The following PRKD1 variants were observed in gnomAD, a reference collection of about 807,000 sequenced individuals.
PRKD1 encodes the protein serine/threonine-protein kinase D1.
A neutral mutation model predicts 95.9 loss-of-function variants in PRKD1; 63 were observed. The ratio of observed to expected loss-of-function variants is 0.66; its 90% CI spans 0.54 to 0.81. The LOEUF is 0.81. Ranked by LOEUF, PRKD1 falls within the 30% of genes least tolerant of loss-of-function variation. The pLI, the probability that PRKD1 is intolerant of heterozygous loss-of-function variation, is 0.00. For synonymous variants in PRKD1, 425 were observed against 423.1 expected (o/e 1.00, Z -0.05); for missense variants, 1,048 against 1,165.3 (o/e 0.90, Z 1.47).
chr14:29,577,207 C>T lies in PRKD1; in HGVS notation c.*31G>A. 1 of 1,580,480 alleles carries T rather than the reference C, an allele frequency of 6.3e-7. No homozygotes were observed. The highest frequency in any genetic ancestry group is 8.7e-7 in the Non-Finnish European group (1 of 1,151,004). ...TGACCGTATGTATTTATTAGTTCCA[C>T]AGTGTTTTGACAGATTATAGGAGAT... is the stretch of plus-strand genomic sequence containing the variant. On this transcript the variant is annotated 3_prime_UTR_variant, in exon 18 of 18. Coordinates refer to ENST00000331968, the MANE Select transcript of PRKD1 (RefSeq NM_002742.3).
intron 2 of PRKD1, among the ~76,000 whole-genome samples, chr14:29,707,128 C>A (rs1049766094): frequency 6.6e-6 from 1 of 152,052 alleles, no homozygotes; most frequent in Non-Finnish European, 1.5e-5. Flanking sequence ...AAGTAGAAGT[C>A]AAATCACAAA....
chr14:29,840,332 C>G (rs1891785566), intron 1 of PRKD1, among the ~76,000 whole-genome samples: 1 of 152,152 alleles, frequency 6.6e-6, no homozygotes, highest in South Asian at 2.1e-4. Context: ...CCAACAGCTT[C>G]CTCATCTCCA....
rs570523310 is a variant in PRKD1, at chr14:29,858,116, CA to C, written c.264+69132del. 1.1e-3 allele frequency among the ~76,000 whole-genome samples: 171 copies of C among 152,268 alleles called. 1 individual carries two copies. The highest frequency in any genetic ancestry group is 4.0e-3 in the African/African-American group (166 of 41,540). ...GAAAGTAAACTGTCTTGCTTAAGAT[CA>C]ACAATTATTTCATTAAACAAATAAA... On this transcript the variant is annotated intron_variant, in intron 1 of 17. Coordinates refer to ENST00000331968, the MANE Select transcript of PRKD1 (RefSeq NM_002742.3).
chr14:29,753,396 T>C (rs1202992730), intron 1 of PRKD1, among the ~76,000 whole-genome samples: 5 of 152,138 alleles, frequency 3.3e-5, no homozygotes, highest in Admixed American at 3.3e-4. Flanking sequence ...ACAGTAACTC[T>C]AGGTAAGAAG....
intron 13 of PRKD1, among the ~76,000 whole-genome samples, chr14:29,600,376 T>G (rs1248104931): frequency 2.0e-5 from 3 of 152,174 alleles, no homozygotes; most frequent in African/African-American, 7.2e-5. Context: ...GAGCCTGTGC[T>G]TTGTCTACAA....
chr14:29,624,284 A>T, intron 12 of PRKD1, 26 bp from the exon 13 acceptor site: 1 of 1,521,556 alleles, frequency 6.6e-7, no homozygotes, highest in Non-Finnish European at 9.0e-7. Flanking sequence ...GGGAAGCATT[A>T]GTAAGTTATT....
intron 1 of PRKD1, among the ~76,000 whole-genome samples, chr14:29,783,423 T>C (rs1445821977): frequency 6.6e-6 from 1 of 152,216 alleles, no homozygotes; most frequent in East Asian, 1.9e-4. Context: ...GTTGATTCTA[T>C]ATCTTAGCTA....
intron 1 of PRKD1, among the ~76,000 whole-genome samples, chr14:29,838,856 T>C (rs145674146): frequency 6.6e-6 from 1 of 152,218 alleles, no homozygotes; most frequent in African/African-American, 2.4e-5. Flanking sequence ...AGTAATGGGT[T>C]TGAAAAGAGT....
chr14:29,784,689 G>C (rs1889190090), intron 1 of PRKD1, among the ~76,000 whole-genome samples: 1 of 152,118 alleles, frequency 6.6e-6, no homozygotes, highest in South Asian at 2.1e-4. Context: ...AGTTGCCTGT[G>C]GTCTGAGGGT....
chr14:29,857,602 G>A (rs780363093), intron 1 of PRKD1, among the ~76,000 whole-genome samples: 8 of 152,124 alleles, frequency 5.3e-5, no homozygotes, highest in East Asian at 1.9e-4. Context: ...AAATACCTTC[G>A]TTCAGGTTAG....
intron 1 of PRKD1, among the ~76,000 whole-genome samples, chr14:29,858,511 C>A (rs1892590226): frequency 6.6e-6 from 1 of 152,328 alleles, no homozygotes; most frequent in Non-Finnish European, 1.5e-5. Context: ...ACCAGAAGAA[C>A]ATGACTACGT....
At chr14:29,871,758 T>C (rs1461942122) in intron 1 of PRKD1, among the ~76,000 whole-genome samples, 1 of 152,198 alleles carries the variant, frequency 6.6e-6, no homozygotes, top group African/African-American at 2.4e-5. Context: ...CCCTGCTTCA[T>C]ATGACTTGTC....
chr14:29,724,320 G>C (rs759641805), intron 2 of PRKD1, among the ~76,000 whole-genome samples: 2 of 152,198 alleles, frequency 1.3e-5, no homozygotes, highest in Non-Finnish European at 2.9e-5. Context: ...CAGCCTGGCT[G>C]TGAGTTTAAT....
intron 2 of PRKD1, among the ~76,000 whole-genome samples, chr14:29,676,177 G>GGTTTTTTTTTTTTTTTTTTTTTTTTTT (rs1555334424): frequency 9.5e-6 from 1 of 104,762 alleles, no homozygotes; most frequent in African/African-American, 4.2e-5. Flanking sequence ...AGTTCATTAC[G>GGTTTTTTTTTTTTTTTTTTTTTTTTTT]TTTTTGTTTT....
At chr14:29,880,446 G>A (rs1455273499) in intron 1 of PRKD1, among the ~76,000 whole-genome samples, 1 of 152,196 alleles carries the variant, frequency 6.6e-6, no homozygotes, top group Non-Finnish European at 1.5e-5. Context: ...GTATAGAAAT[G>A]CCTGGATTCC....
chr14:29,843,673 C>A (rs1891961161), intron 1 of PRKD1, among the ~76,000 whole-genome samples: 1 of 152,204 alleles, frequency 6.6e-6, no homozygotes, highest in African/African-American at 2.4e-5. Context: ...ATTCTATGAA[C>A]TTGACTTCAG....
chr14:29,800,312 C>A (rs1313006048), intron 1 of PRKD1, among the ~76,000 whole-genome samples: 1 of 152,192 alleles, frequency 6.6e-6, no homozygotes, highest in Admixed American at 6.5e-5. Context: ...ATATCCCATT[C>A]CAAGGAGAGT....
intron 2 of PRKD1, among the ~76,000 whole-genome samples, chr14:29,721,043 A>G (rs1257430117): frequency 6.6e-6 from 1 of 152,154 alleles, no homozygotes; most frequent in Non-Finnish European, 1.5e-5. Flanking sequence ...TTCCTCCTTC[A>G]TCAACTACAT....
chr14:29,858,335 T>TAATA (rs1217624054), intron 1 of PRKD1, among the ~76,000 whole-genome samples: 1 of 152,204 alleles, frequency 6.6e-6, no homozygotes, highest in Non-Finnish European at 1.5e-5. Flanking sequence ...TCCTCACCTA[T>TAATA]AATAGTGTAT....
Sources: gnomAD v4.1 joint callset for allele counts (sites outside exome capture counted in the v4.1 genomes callset) on GRCh38, gnomAD v4.1.1 for gene constraint, MANE v1.5 for transcripts, NCBI Gene and HGNC (gene_info 2026-07-23, HGNC 2026-07-21) for gene names.